Variants in DOCK9 observed in about 807,000 individuals in gnomAD.
DOCK9 encodes the protein dedicator of cytokinesis 9.
In DOCK9, 89 loss-of-function variants were observed where a neutral mutation model predicts 263.3. The ratio of observed to expected loss-of-function variants is 0.34; its 90% CI spans 0.28 to 0.40. The LOEUF (loss-of-function observed/expected upper bound fraction) is 0.40, where lower values mean the gene tolerates loss of function less well. Among genes scored for constraint, DOCK9 ranks in the 10% least tolerant of loss-of-function variants. The pLI, the probability that DOCK9 is intolerant of heterozygous loss-of-function variation, is 1.00. For missense variants in DOCK9, 2,140 were observed against 2,603.4 expected (o/e 0.82, Z 3.87); for synonymous variants, 976 against 973.1 (o/e 1.00, Z -0.06).
chr13:98,928,358 C>T (rs2053376329), intron 3 of DOCK9, among the ~76,000 whole-genome samples: 1 of 152,140 alleles, frequency 6.6e-6, no homozygotes, highest in Non-Finnish European at 1.5e-5. Flanking sequence ...TGTTTTAAGC[C>T]ATTAGGTCAT....
chr13:99,073,180 C>T (rs565297070), intron 1 of DOCK9, among the ~76,000 whole-genome samples: 1 of 152,244 alleles, frequency 6.6e-6, no homozygotes, highest in South Asian at 2.1e-4. Flanking sequence ...GACCCGCATA[C>T]CCTACCACGT....
intron 2 of DOCK9, among the ~76,000 whole-genome samples, chr13:98,944,518 T>C (rs1227030544): frequency 1.3e-5 from 2 of 152,156 alleles, no homozygotes; most frequent in South Asian, 2.1e-4. Flanking sequence ...GGAGGCATCA[T>C]GGTTCCGCTG....
At chr13:99,083,285 T>A (rs534027148) in intron 1 of DOCK9, among the ~76,000 whole-genome samples, 3 of 151,618 alleles carry the variant, frequency 2.0e-5, no homozygotes, top group African/African-American at 7.3e-5. Flanking sequence ...CTAAGGCTCA[T>A]GAAAGAGCTA....
chr13:99,010,917 A>G (rs1412935953), intron 1 of DOCK9, among the ~76,000 whole-genome samples: 1 of 152,164 alleles, frequency 6.6e-6, no homozygotes, highest in African/African-American at 2.4e-5. Context: ...TACCTTTCTG[A>G]GTCAGGGTCT....
chr13:98,823,799 A>G (rs1348353353), intron 45 of DOCK9, among the ~76,000 whole-genome samples: 2 of 152,238 alleles, frequency 1.3e-5, no homozygotes, highest in Non-Finnish European at 2.9e-5. Context: ...TTTTAGCAAG[A>G]AACTGGAATT....
At chr13:98,918,881 G>T (rs1206518875) in intron 7 of DOCK9, among the ~76,000 whole-genome samples, 1 of 152,172 alleles carries the variant, frequency 6.6e-6, no homozygotes, top group African/African-American at 2.4e-5. Context: ...TACATGGCAG[G>T]TGTGTGGGGC....
intron 32 of DOCK9, among the ~76,000 whole-genome samples, chr13:98,861,548 T>C (rs1158256203): frequency 6.6e-6 from 1 of 152,226 alleles, no homozygotes; most frequent in Non-Finnish European, 1.5e-5. Flanking sequence ...TGTAAAACTC[T>C]TATAAACTTT....
intron 27 of DOCK9, among the ~76,000 whole-genome samples, chr13:98,876,320 T>C (rs1169167727): frequency 6.6e-6 from 1 of 152,134 alleles, no homozygotes; most frequent in East Asian, 1.9e-4. Context: ...GGTGAAACCC[T>C]GTCTCTATTA....
At chr13:98,806,320 TC>T (rs2090700589) in intron 48 of DOCK9, among the ~76,000 whole-genome samples, 1 of 152,256 alleles carries the variant, frequency 6.6e-6, no homozygotes, top group Non-Finnish European at 1.5e-5. Flanking sequence ...TACTTTCATT[TC>T]TGTGACATGA....
chr13:98,898,355 C>T, intron 13 of DOCK9, 94 bp from the exon 14 acceptor site: 2 of 884,810 alleles, frequency 2.3e-6, no homozygotes, highest in East Asian at 2.6e-5. Context: ...TAAATAAGTC[C>T]TTACCATAGC....
At chr13:98,908,879 A>G (rs2049541749) in intron 9 of DOCK9, among the ~76,000 whole-genome samples, 1 of 152,268 alleles carries the variant, frequency 6.6e-6, no homozygotes, top group Non-Finnish European at 1.5e-5. Flanking sequence ...ATAATAAAAT[A>G]AATACTTGTA....
chr13:98,846,024 T>C lies in DOCK9; in HGVS notation c.4098A>G (p.Arg1366=). 1 of 1,599,910 alleles carries C rather than the reference T, an allele frequency of 6.3e-7. No individual in the cohort carries two copies. The highest frequency in any genetic ancestry group is 8.5e-7 in the Non-Finnish European group (1 of 1,172,716). ...GGGAAACAGGCAATGTCTGAGACTTTCGATCATGAACTATGGGTCCCAACC... is the reference window on the plus strand; with the variant it reads ...GGGAAACAGGCAATGTCTGAGACTTCCGATCATGAACTATGGGTCCCAACC... The part of the protein sequence containing the change: ...QEGLGPIVHD[R]KSQTLPVSRN... Residue 1366 remains arginine (R), a synonymous_variant, in exon 38 of 53, where the codon CGA becomes CGG. Transcript: ENST00000682017.
At chr13:99,034,805 G>A (rs540809999) in intron 1 of DOCK9, among the ~76,000 whole-genome samples, 5 of 152,338 alleles carry the variant, frequency 3.3e-5, no homozygotes, top group South Asian at 4.1e-4. Context: ...GAACAGTGAA[G>A]GAACTGTGAT....
At chr13:98,872,624 C>A (rs2094217887) in intron 27 of DOCK9, among the ~76,000 whole-genome samples, 2 of 152,134 alleles carry the variant, frequency 1.3e-5, no homozygotes, top group South Asian at 4.1e-4. Flanking sequence ...TCAGGCTGGT[C>A]TGGAATTCCT....
rs1441332252 is a variant in DOCK9 at position 98,928,247 on chromosome 13, C to T, written c.333+1921G>A. Among the ~76,000 whole-genome samples the T allele has an allele frequency of 1.3e-5, 2 of 152,218 alleles. 1 individual carries two copies. Among genetic ancestry groups the T allele is most frequent in the African/African-American group, 4.8e-5 (2 of 41,450 alleles). On this transcript the variant is annotated intron_variant, in intron 3 of 52. Transcript: ENST00000682017. ...TACCTTCAAAAAGACAGGAATGTGA[C>T]TGACTGATTATACGATTAACATTTC... is the stretch of plus-strand genomic sequence containing the variant.
intron 1 of DOCK9, among the ~76,000 whole-genome samples, chr13:98,999,940 A>G (rs1179077951): frequency 1.3e-5 from 2 of 152,182 alleles, no homozygotes; most frequent in African/African-American, 2.4e-5. Context: ...AGGCACCATG[A>G]CCACTCCCTG....
At chr13:98,842,934 T>A (rs1259174290) in intron 38 of DOCK9, among the ~76,000 whole-genome samples, 2 of 152,202 alleles carry the variant, frequency 1.3e-5, no homozygotes, top group Non-Finnish European at 2.9e-5. Context: ...CTACTTCCTA[T>A]CAAAATTAAA....
At chr13:98,818,210 T>C (rs1290068833) in intron 45 of DOCK9, among the ~76,000 whole-genome samples, 3 of 152,230 alleles carry the variant, frequency 2.0e-5, no homozygotes, top group Non-Finnish European at 4.4e-5. Context: ...ATGCCAACTC[T>C]ATACCTAATC....
chr13:99,072,010 T>C (rs2142379876), intron 1 of DOCK9, among the ~76,000 whole-genome samples: 1 of 152,300 alleles, frequency 6.6e-6, no homozygotes, highest in Non-Finnish European at 1.5e-5. Context: ...TTCTCCAAGG[T>C]CTTTATCTTG....
Sources: allele counts gnomAD v4.1 joint callset (sites outside exome capture counted in the v4.1 genomes callset), GRCh38; gene constraint gnomAD v4.1.1; transcripts MANE v1.5; gene names NCBI Gene and HGNC (gene_info 2026-07-23, HGNC 2026-07-21).